The following CDH11 variants were observed in gnomAD, a reference collection of about 807,000 sequenced individuals.
CDH11 encodes the protein cadherin-11.
CDH11 carries 11 observed loss-of-function variants against 67.8 expected under a neutral mutation model. The observed-to-expected ratio is 0.16, with a 90% CI of 0.10 to 0.27. CDH11 has a LOEUF of 0.27. CDH11 is among the 10% of genes least tolerant of loss of function. The pLI is 1.00. For missense variants in CDH11, 847 were observed against 1,031.2 expected (o/e 0.82, Z 2.45); for synonymous variants, 419 against 400.0 (o/e 1.05, Z -0.57).
rs79283940 is a variant in CDH11 at position 65,047,169 on chromosome 16, C to T, written c.-173+6635G>A. On this transcript the variant is annotated intron_variant, in intron 2 of 12. Transcript: ENST00000268603. ...TACAGCTGGATGTGATCTATGTATA[C>T]AAATGTGGAGGAAGTAGCTATATGG... Among the ~76,000 whole-genome samples, 998 of 152,140 alleles carry T rather than the reference C, an allele frequency of 6.6e-3. 13 individuals are homozygous for T. The highest frequency in any genetic ancestry group is 0.022 in the African/African-American group (926 of 41,476).
chr16:65,057,251 G>A (rs548302597), intron 1 of CDH11, among the ~76,000 whole-genome samples: 4 of 152,012 alleles, frequency 2.6e-5, no homozygotes, highest in Non-Finnish European at 4.4e-5. Context: ...TCCCCTCTCA[G>A]CCAGGAAACC....
chr16:64,994,813 A>G (rs1049306562), intron 4 of CDH11, among the ~76,000 whole-genome samples: 1 of 152,206 alleles, frequency 6.6e-6, no homozygotes, highest in African/African-American at 2.4e-5. Flanking sequence ...AGAAAACTCT[A>G]AAGACTCTGC....
At chr16:64,991,984 G>T in intron 5 of CDH11, 49 bp from the exon 6 acceptor site, 1 of 1,396,562 alleles carries the variant, frequency 7.2e-7, no homozygotes, top group Non-Finnish European at 9.9e-7. Context: ...ATAACATTAT[G>T]ACAACAAGAA....
At chr16:64,951,279 G>A (rs1356742494) in intron 11 of CDH11, among the ~76,000 whole-genome samples, 1 of 152,186 alleles carries the variant, frequency 6.6e-6, no homozygotes, top group Non-Finnish European at 1.5e-5. Context: ...GAATGGGCAA[G>A]AGCAAAGCAG....
chr16:65,032,099 A>C (rs1159665806), intron 2 of CDH11, among the ~76,000 whole-genome samples: 1 of 152,290 alleles, frequency 6.6e-6, no homozygotes, highest in South Asian at 2.1e-4. Flanking sequence ...AAAATATCAT[A>C]TTGCAAACCT....
intron 2 of CDH11, among the ~76,000 whole-genome samples, chr16:65,036,442 G>A (rs1210577222): frequency 6.6e-6 from 1 of 152,100 alleles, no homozygotes; most frequent in African/African-American, 2.4e-5. Context: ...CTTCCACAGA[G>A]ACTGTAGTTT....
chr16:64,965,287 CAGG>C (rs1193696448), intron 11 of CDH11, among the ~76,000 whole-genome samples: 2 of 150,072 alleles, frequency 1.3e-5, no homozygotes, highest in Non-Finnish European at 2.9e-5. Flanking sequence ...GAGTCTGAGG[CAGG>C]AGAATTGCTA....
At chr16:65,122,145 C>CTGGGGGGGGGGGGGGGGGGGGGGG, upstream of CDH11, 1 of 120,058 alleles carries the variant, frequency 8.3e-6, no homozygotes, top group African/African-American at 4.5e-5. Context: ...GCGGGGGGGG[C>CTGGGGGGGGGGGGGGGGGGGGGGG]GGGAGGAGGG....
At chr16:65,117,088 TTAAA>T (rs1215372024) in intron 1 of CDH11, among the ~76,000 whole-genome samples, 1 of 152,218 alleles carries the variant, frequency 6.6e-6, no homozygotes, top group Non-Finnish European at 1.5e-5. Context: ...CCTTTTAAAG[TTAAA>T]TAAACTGTCC....
chr16:64,998,172 C>G (rs373362525), intron 4 of CDH11, among the ~76,000 whole-genome samples: 2 of 152,178 alleles, frequency 1.3e-5, no homozygotes, highest in East Asian at 3.9e-4. Flanking sequence ...AATTAGTTAG[C>G]TTGTTTCTGG....
At chr16:65,062,667 A>T (rs770136847) in intron 1 of CDH11, among the ~76,000 whole-genome samples, 7 of 152,240 alleles carry the variant, frequency 4.6e-5, no homozygotes, top group Non-Finnish European at 7.3e-5. Flanking sequence ...AAGCTGTACA[A>T]ACTCTGCTTG....
intron 2 of CDH11, among the ~76,000 whole-genome samples, chr16:65,011,269 T>C (rs2073179816): frequency 1.3e-5 from 2 of 151,952 alleles, no homozygotes. Context: ...AGGCTTGACT[T>C]TGGACTATTT....
chr16:65,011,755 C>G (rs1371299655), intron 2 of CDH11, among the ~76,000 whole-genome samples: 1 of 152,134 alleles, frequency 6.6e-6, no homozygotes, highest in African/African-American at 2.4e-5. Flanking sequence ...AATAAATACT[C>G]TATATGAATG....
At chr16:65,053,958 C>T (rs1166547141) in intron 1 of CDH11, 30 bp from the exon 2 acceptor site, 2 of 455,576 alleles carry the variant, frequency 4.4e-6, no homozygotes. Flanking sequence ...CATTAGTAAC[C>T]TAGTGGTGCC....
At chr16:64,981,995 C>T in intron 8 of CDH11, 53 bp downstream of exon 8, 1 of 1,526,830 alleles carries the variant, frequency 6.5e-7, no homozygotes. Context: ...TTTCCCAGAA[C>T]CTCTTGACTC....
At chr16:65,064,079 C>G (rs1051861184) in intron 1 of CDH11, among the ~76,000 whole-genome samples, 1 of 152,180 alleles carries the variant, frequency 6.6e-6, no homozygotes, top group African/African-American at 2.4e-5. Context: ...GGAGGGGTCA[C>G]CTTTGGCTCT....
intron 3 of CDH11, among the ~76,000 whole-genome samples, chr16:65,002,924 T>A (rs1441172729): frequency 6.6e-6 from 1 of 151,442 alleles, no homozygotes; most frequent in African/African-American, 2.4e-5. Flanking sequence ...TTCATTTTCT[T>A]TTTTTCTTTT....
chr16:64,951,886 T>C (rs1190660896), intron 11 of CDH11, among the ~76,000 whole-genome samples: 1 of 152,096 alleles, frequency 6.6e-6, no homozygotes, highest in East Asian at 1.9e-4. Context: ...CAATTAAACA[T>C]GTCACTCCTC....
intron 1 of CDH11, among the ~76,000 whole-genome samples, chr16:65,062,693 G>A (rs1338115282): frequency 1.3e-5 from 2 of 152,170 alleles, no homozygotes; most frequent in Non-Finnish European, 2.9e-5. Flanking sequence ...AAACTCCACA[G>A]GGATAAGAAG....
Sources: gnomAD v4.1 joint callset for allele counts (sites outside exome capture counted in the v4.1 genomes callset) on GRCh38, gnomAD v4.1.1 for gene constraint, MANE v1.5 for transcripts, NCBI Gene and HGNC (gene_info 2026-07-23, HGNC 2026-07-21) for gene names.